Variants in WWOX observed in about 807,000 individuals in gnomAD.
WWOX encodes WW domain containing oxidoreductase.
A neutral mutation model predicts 46.2 loss-of-function variants in WWOX; 69 were observed. That is an observed-to-expected ratio of 1.49 (90% CI 1.23 to 1.82). The LOEUF is 1.82. WWOX is among the 40% of genes most tolerant of loss of function. The pLI is 0.00. For missense variants in WWOX, 919 were observed against 542.6 expected (o/e 1.69, Z -6.89); for synonymous variants, 359 against 202.6 (o/e 1.77, Z -6.56).
At chr16:78,493,249 A>G (rs530063939) in intron 8 of WWOX, among the ~76,000 whole-genome samples, 1 of 152,328 alleles carries the variant, frequency 6.6e-6, no homozygotes, top group African/African-American at 2.4e-5. Context: ...AACCATAAGC[A>G]GAAGACACAT....
intron 6 of WWOX, among the ~76,000 whole-genome samples, chr16:78,413,291 A>G (rs1341723171): frequency 6.6e-6 from 1 of 152,182 alleles, no homozygotes; most frequent in East Asian, 1.9e-4. Flanking sequence ...GTCCATGTGA[A>G]GAGACCACCA....
At chr16:78,692,922 G>A (rs1002713812) in intron 8 of WWOX, among the ~76,000 whole-genome samples, 2 of 152,124 alleles carry the variant, frequency 1.3e-5, no homozygotes, top group Non-Finnish European at 2.9e-5. Flanking sequence ...TCGTTTGCAT[G>A]GTGTTTTAAA....
chr16:78,696,815 T>G (rs1249956523), intron 8 of WWOX, among the ~76,000 whole-genome samples: 2 of 151,992 alleles, frequency 1.3e-5, no homozygotes, highest in Non-Finnish European at 2.9e-5. Flanking sequence ...CTCACCCTTT[T>G]ACCACTCTTT....
chr16:78,116,377 G>T (rs546308264), intron 4 of WWOX, among the ~76,000 whole-genome samples: 1 of 152,142 alleles, frequency 6.6e-6, no homozygotes, highest in Non-Finnish European at 1.5e-5. Context: ...ATTGTTCAAG[G>T]GTCAATTATT....
chr16:79,094,231 C>T (rs2049022773), intron 8 of WWOX, among the ~76,000 whole-genome samples: 2 of 151,692 alleles, frequency 1.3e-5, no homozygotes, highest in Admixed American at 1.3e-4. Flanking sequence ...GTCTGCATTT[C>T]CTGAGGTTTT....
intron 8 of WWOX, among the ~76,000 whole-genome samples, chr16:79,133,538 C>A (rs1266564464): frequency 6.6e-6 from 1 of 152,112 alleles, no homozygotes; most frequent in Non-Finnish European, 1.5e-5. Context: ...CTTAAATGTT[C>A]TTTTCTTTTT....
Position 78,745,506 on chromosome 16 carries a change from G to C in WWOX, c.1056+312754G>C, listed in dbSNP as rs2049327349. On this transcript the variant is annotated intron_variant, in intron 8 of 8. Coordinates refer to ENST00000566780, the MANE Select transcript of WWOX (RefSeq NM_016373.4). ...GCGTTTGGGGGTCACTCCATAGAGAGGGGTTTGTGGAAATCCTTTTTTTTT... is the reference window on the plus strand; with the variant it reads ...GCGTTTGGGGGTCACTCCATAGAGACGGGTTTGTGGAAATCCTTTTTTTTT... 2.7e-5 allele frequency among the ~76,000 whole-genome samples: 4 copies of C among 150,822 alleles called. No homozygotes were observed. The South Asian group carries it at 8.4e-4, about 32-fold the overall frequency.
chr16:78,383,817 G>C (rs930047705), intron 5 of WWOX, among the ~76,000 whole-genome samples: 1 of 152,112 alleles, frequency 6.6e-6, no homozygotes, highest in East Asian at 1.9e-4. Context: ...AACAGTGTGT[G>C]GACTTGAATC....
chr16:79,142,777 C>T (rs990778706), intron 8 of WWOX, among the ~76,000 whole-genome samples: 1 of 152,202 alleles, frequency 6.6e-6, no homozygotes, highest in Non-Finnish European at 1.5e-5. Flanking sequence ...TGGTTTACTG[C>T]AGCCTTGACC....
intron 8 of WWOX, among the ~76,000 whole-genome samples, chr16:78,496,954 A>G (rs2084933014): frequency 6.6e-6 from 1 of 152,246 alleles, no homozygotes; most frequent in Non-Finnish European, 1.5e-5. Flanking sequence ...CAGAAGGAGA[A>G]TGAAATGCTC....
At chr16:78,825,860 G>A in intron 8 of WWOX, 1 of 648,028 alleles carries the variant, frequency 1.5e-6, no homozygotes, top group Non-Finnish European at 2.8e-6. Context: ...GGACCCCGCT[G>A]GTAAGACTGG....
intron 8 of WWOX, among the ~76,000 whole-genome samples, chr16:78,541,148 C>T (rs2043882256): frequency 6.6e-6 from 1 of 152,078 alleles, no homozygotes; most frequent in African/African-American, 2.4e-5. Context: ...TACAAAATTG[C>T]ACATACTCTA....
chr16:78,589,915 G>T (rs1183358130), intron 8 of WWOX, among the ~76,000 whole-genome samples: 1 of 152,224 alleles, frequency 6.6e-6, no homozygotes, highest in Non-Finnish European at 1.5e-5. Context: ...TTAGGGAGTT[G>T]GCATTTGTTG....
At chr16:78,716,680 A>G (rs967680419) in intron 8 of WWOX, among the ~76,000 whole-genome samples, 1 of 152,008 alleles carries the variant, frequency 6.6e-6, no homozygotes, top group African/African-American at 2.4e-5. Context: ...CATCACACCC[A>G]AGGAGAATCA....
chr16:79,148,177 A>AT (rs1311397015), intron 8 of WWOX, among the ~76,000 whole-genome samples: 2 of 151,940 alleles, frequency 1.3e-5, no homozygotes, highest in East Asian at 1.9e-4. Context: ...AATTTCTAAT[A>AT]TTTTTTTCCT....
At chr16:78,341,291 C>G (rs1222004096) in intron 5 of WWOX, among the ~76,000 whole-genome samples, 1 of 120,122 alleles carries the variant, frequency 8.3e-6, no homozygotes, top group African/African-American at 2.8e-5. Flanking sequence ...AGGCATGAAT[C>G]GCTGTGCCTG....
chr16:78,367,688 G>A (rs1185859037), intron 5 of WWOX, among the ~76,000 whole-genome samples: 2 of 152,058 alleles, frequency 1.3e-5, no homozygotes, highest in African/African-American at 4.8e-5. Flanking sequence ...CAGCAGTACT[G>A]TTTTGGAAGG....
chr16:78,734,102 C>T (rs1457719439), intron 8 of WWOX, among the ~76,000 whole-genome samples: 4 of 151,838 alleles, frequency 2.6e-5, no homozygotes, highest in Non-Finnish European at 5.9e-5. Context: ...GTCCATCCGT[C>T]CATCTATTCA....
intron 8 of WWOX, among the ~76,000 whole-genome samples, chr16:78,956,898 A>G (rs1411310778): frequency 6.6e-6 from 1 of 152,190 alleles, no homozygotes; most frequent in African/African-American, 2.4e-5. Flanking sequence ...AATTCTGGGA[A>G]ATAGGATGTT....
Sources: allele counts gnomAD v4.1 joint callset (sites outside exome capture counted in the v4.1 genomes callset), GRCh38; gene constraint gnomAD v4.1.1; transcripts MANE v1.5; gene names NCBI Gene and HGNC (gene_info 2026-07-23, HGNC 2026-07-21).